The following LRBA variants were observed in gnomAD, a reference collection of about 807,000 sequenced individuals.
LRBA encodes the protein lipopolysaccharide-responsive and beige-like anchor protein.
In LRBA, 176 loss-of-function variants were observed where a neutral mutation model predicts 330.0. The observed-to-expected ratio is 0.53, with a 90% CI of 0.47 to 0.60. The LOEUF (loss-of-function observed/expected upper bound fraction) is 0.60. Ranked by LOEUF, LRBA falls within the 20% of genes least tolerant of loss-of-function variation. The probability of loss-of-function intolerance (pLI) is 0.00; values close to 1 mark genes in which losing one functional copy is unlikely to be tolerated. For missense variants in LRBA, 3,259 were observed against 3,444.8 expected, an observed-to-expected ratio of 0.95 and a Z score of 1.35; for synonymous variants, 1,230 against 1,193.0, an observed-to-expected ratio of 1.03 and a Z score of -0.64.
intron 40 of LRBA, among the ~76,000 whole-genome samples, chr4:150,545,629 A>C (rs1765771463): frequency 6.6e-6 from 1 of 152,156 alleles, no homozygotes; most frequent in South Asian, 2.1e-4. Flanking sequence ...TATGCTTTAA[A>C]AATAGGTTTA....
chr4:150,627,125 A>C (rs116561565), intron 37 of LRBA, among the ~76,000 whole-genome samples: 2,613 of 152,212 alleles, frequency 0.017, 83 homozygotes, highest in African/African-American at 0.058. Flanking sequence ...ACTAAAGCAC[A>C]TTTTAAAGCT....
At chr4:150,417,182 A>G (rs748067519) in intron 46 of LRBA, among the ~76,000 whole-genome samples, 17 of 152,216 alleles carry the variant, frequency 1.1e-4, no homozygotes, top group African/African-American at 1.9e-4. Flanking sequence ...TGAGAAAACA[A>G]CTGGCTATCC....
chr4:150,439,916 C>T (rs1436925374), intron 44 of LRBA, among the ~76,000 whole-genome samples: 2 of 152,110 alleles, frequency 1.3e-5, no homozygotes, highest in African/African-American at 4.8e-5. Context: ...TTTAACTAAG[C>T]AAGAGTCAGT....
chr4:150,733,752 C>T (rs1033534026), intron 36 of LRBA, among the ~76,000 whole-genome samples: 2 of 152,084 alleles, frequency 1.3e-5, no homozygotes, highest in Non-Finnish European at 2.9e-5. Context: ...TTTATGAATA[C>T]ACTGTATTTC....
chr4:150,876,996 G>GT (rs1388212780), intron 17 of LRBA, among the ~76,000 whole-genome samples: 3 of 152,172 alleles, frequency 2.0e-5, no homozygotes, highest in Non-Finnish European at 4.4e-5. Flanking sequence ...GCTCACGCCT[G>GT]TAATCCCAGC....
intron 38 of LRBA, among the ~76,000 whole-genome samples, chr4:150,593,755 CA>C: frequency 6.6e-6 from 1 of 151,936 alleles, no homozygotes; most frequent in Admixed American, 6.6e-5. Flanking sequence ...TGATTATTGC[CA>C]TACATGTCCT....
At chr4:150,533,678 T>C (rs1266379930) in intron 40 of LRBA, among the ~76,000 whole-genome samples, 2 of 152,126 alleles carry the variant, frequency 1.3e-5, no homozygotes, top group African/African-American at 4.8e-5. Flanking sequence ...GTTGTTGAGC[T>C]TTTTCAACAG....
intron 46 of LRBA, among the ~76,000 whole-genome samples, chr4:150,429,145 T>C (rs973846809): frequency 6.6e-6 from 1 of 151,890 alleles, no homozygotes; most frequent in Non-Finnish European, 1.5e-5. Flanking sequence ...TAAAGAAATA[T>C]GAAGTCAGGG....
At chr4:150,895,364 T>C (rs1729948502) in intron 16 of LRBA, among the ~76,000 whole-genome samples, 1 of 152,148 alleles carries the variant, frequency 6.6e-6, no homozygotes, top group South Asian at 2.1e-4. Context: ...ACATGTGCCA[T>C]GTTGGTGTGC....
At chr4:150,726,415 G>A (rs1034631202) in intron 36 of LRBA, among the ~76,000 whole-genome samples, 1 of 152,164 alleles carries the variant, frequency 6.6e-6, no homozygotes, top group Non-Finnish European at 1.5e-5. Context: ...ATTATATAGT[G>A]ATAAAGGGGT....
rs1242419841 is a variant in LRBA at position 150,963,358 on chromosome 4, G to A, written c.217-34293C>T. Among the ~76,000 whole-genome samples, 3 of 149,460 alleles carry A rather than the reference G, an allele frequency of 2.0e-5. 1 individual carries two copies. Among genetic ancestry groups the A allele is most frequent in the African/African-American group, 5.1e-5 (2 of 38,840 alleles). On this transcript the variant is annotated intron_variant, in intron 2 of 56. Transcript: ENST00000651943. ...GCGCCACCACACCTGACTGGTTTTCGTATTTTTTGGTGGAGACGGGGTTTC... is the reference window on the plus strand; with the variant it reads ...GCGCCACCACACCTGACTGGTTTTCATATTTTTTGGTGGAGACGGGGTTTC...
chr4:150,516,215 C>CTTTTTTTTTTTTTT lies in LRBA; in HGVS notation c.6331-25181_6331-25180insAAAAAAAAAAAAAA, dbSNP rs1384014823. Among the ~76,000 whole-genome samples the CTTTTTTTTTTTTTT allele has an allele frequency of 3.0e-4, 26 of 86,712 alleles. 8 individuals carry two copies. Among genetic ancestry groups the CTTTTTTTTTTTTTT allele is most frequent in the Non-Finnish European group, 3.1e-4 (14 of 45,162 alleles). The allele number at this position is 86,712 out of a possible 152,430, so 56.9% of individuals were successfully genotyped here. On this transcript the variant is annotated intron_variant, in intron 40 of 56. Coordinates refer to ENST00000651943, the MANE Select transcript of LRBA (RefSeq NM_001364905.1). ...GTAATTCAGTCTGACATTTTCTATT[C>CTTTTTTTTTTTTTT]TCTTTTTTTTTTTTTTTTTTTTTTT...
intron 17 of LRBA, among the ~76,000 whole-genome samples, chr4:150,890,304 C>G (rs146143412): frequency 6.6e-6 from 1 of 152,258 alleles, no homozygotes; most frequent in East Asian, 1.9e-4. Context: ...ATTTCCCCAC[C>G]AGCCAAGGTT....
intron 34 of LRBA, among the ~76,000 whole-genome samples, chr4:150,773,861 C>G (rs1736907764): frequency 6.6e-6 from 1 of 152,226 alleles, no homozygotes; most frequent in Non-Finnish European, 1.5e-5. Context: ...TATTGATCAT[C>G]TGGCCCCCAT....
At chr4:150,637,009 G>A (rs1286181106) in intron 37 of LRBA, among the ~76,000 whole-genome samples, 1 of 151,820 alleles carries the variant, frequency 6.6e-6, no homozygotes, top group East Asian at 1.9e-4. Flanking sequence ...CATTAACAGT[G>A]GCTTGGAAAG....
intron 40 of LRBA, among the ~76,000 whole-genome samples, chr4:150,540,388 T>C (rs1581621761): frequency 1.3e-5 from 2 of 152,162 alleles, no homozygotes; most frequent in East Asian, 3.9e-4. Flanking sequence ...AGAGACGGGG[T>C]TTCACCATGT....
intron 36 of LRBA, among the ~76,000 whole-genome samples, chr4:150,700,778 A>G (rs908963282): frequency 2.0e-5 from 3 of 147,726 alleles, no homozygotes; most frequent in African/African-American, 7.6e-5. Flanking sequence ...TTTTTGAGAC[A>G]GAGTCTTGCT....
intron 2 of LRBA, among the ~76,000 whole-genome samples, chr4:150,954,052 C>A (rs1737225038): frequency 1.3e-5 from 2 of 150,294 alleles, no homozygotes; most frequent in African/African-American, 2.4e-5. Flanking sequence ...CCGGCAGCCA[C>A]CCCGTCTGGG....
chr4:150,710,424 G>C (rs1385550351), intron 36 of LRBA, among the ~76,000 whole-genome samples: 1 of 152,058 alleles, frequency 6.6e-6, no homozygotes, highest in African/African-American at 2.4e-5. Context: ...GTATCACACA[G>C]GTTTGAAGCT....
Sources: allele counts gnomAD v4.1 joint callset (sites outside exome capture counted in the v4.1 genomes callset), GRCh38; gene constraint gnomAD v4.1.1; transcripts MANE v1.5; gene names NCBI Gene and HGNC (gene_info 2026-07-23, HGNC 2026-07-21).